Variants in NEB observed in about 807,000 individuals in gnomAD.
The protein encoded by NEB is nebulin, also known as nemaline myopathy type 2.
Under a neutral mutation model 952.2 loss-of-function variants are expected in NEB, and 512 were observed. That is an observed-to-expected ratio of 0.54 (90% confidence interval 0.50 to 0.58). The LOEUF (loss-of-function observed/expected upper bound fraction) is 0.58, where lower values mean the gene tolerates loss of function less well. Ranked by LOEUF, NEB falls within the 20% of genes least tolerant of loss-of-function variation. NEB has a pLI of 0.00. For missense variants in NEB, 8,428 were observed against 9,231.1 expected (o/e 0.91, Z 3.56); for synonymous variants, 2,900 against 3,149.8 (o/e 0.92, Z 2.66).
chr2:151,677,241 C>T (rs964394635), intron 34 of NEB, among the ~76,000 whole-genome samples: 8 of 152,206 alleles, frequency 5.3e-5, no homozygotes, highest in Admixed American at 2.0e-4. Context: ...GGGATTTAAG[C>T]TTAAATTCTG....
Position 151,514,417 on chromosome 2 carries a change from C to G in NEB, c.23028G>C (p.Arg7676Ser). ...ATKIASEKEY[R>S]KDLEESIRGK... Reference sequence around the variant, plus strand: ...CACGGATGCTTTCCTCTAGATCTTTCCTGTACTCTTTCTATATCATGAAAG... The same window carrying G: ...CACGGATGCTTTCCTCTAGATCTTTGCTGTACTCTTTCTATATCATGAAAG... The change falls in exon 159 of 182, where the codon AGG becomes AGC. Residue 7676 changes from arginine (R) to serine (S), a missense_variant. This residue lies in a region of NEB where 3,374 missense variants were observed against 3,651.5 expected (regional missense o/e 0.92). Transcript: ENST00000397345. 1 of 1,609,654 alleles carries G rather than the reference C, an allele frequency of 6.2e-7. No homozygotes were observed. Among genetic ancestry groups the G allele is most frequent in the Non-Finnish European group, 8.5e-7 (1 of 1,176,006 alleles).
At chr2:151,502,383 A>C (rs571070175) in intron 167 of NEB, among the ~76,000 whole-genome samples, 1 of 100,168 alleles carries the variant, frequency 1.0e-5, no homozygotes, top group Admixed American at 1.3e-4. Flanking sequence ...TAAACATCTA[A>C]ACATAAAAAA....
chr2:151,626,035 A>C (rs1430137050), intron 70 of NEB, among the ~76,000 whole-genome samples: 1 of 151,726 alleles, frequency 6.6e-6, no homozygotes, highest in Non-Finnish European at 1.5e-5. Context: ...GTTTGTTGTT[A>C]GTTTATTAGC....
chr2:151,717,556 C>T (rs767711465), intron 9 of NEB, 36 bp from the exon 10 acceptor site: 32 of 1,440,474 alleles, frequency 2.2e-5, no homozygotes, highest in Middle Eastern at 3.5e-4. Context: ...ATTTTAAAAA[C>T]GATTATGCTT....
intron 27 of NEB, among the ~76,000 whole-genome samples, chr2:151,685,201 G>T (rs777822102): frequency 6.6e-6 from 1 of 152,174 alleles, no homozygotes; most frequent in Non-Finnish European, 1.5e-5. Flanking sequence ...GGTCACAGCA[G>T]ACAGCGGGCC....
In NEB at chr2:151,640,618, C is replaced by T. The variant is rs774075079; in HGVS notation, c.8422G>A (p.Ala2808Thr). The T allele has an allele frequency of 1.2e-6, 2 of 1,613,848 alleles. No homozygotes were observed. Among genetic ancestry groups the T allele is most frequent in the Non-Finnish European group, 1.7e-6 (2 of 1,179,844 alleles). ...TTGGGGTCATCACGTATAGCTCGGG[C>T]ACCAATGTGGTGGCCGAGCTGCTTA... ...YRKQLGHHIG[A>T]RAIRDDPKMM... The change falls in exon 61 of 182, where the codon GCC becomes ACC. Residue 2808 changes from alanine to threonine, a missense_variant. Physicochemically the swap from Ala to Thr is moderately conservative, Grantham distance 58 (BLOSUM62 0). This residue lies in a region of NEB where 1,772 missense variants were observed against 1,960.3 expected (regional missense o/e 0.90). Transcript: ENST00000397345.
At position 151,546,004 on chromosome 2, in the gene NEB, A is replaced by T. The variant is rs1470813608; in HGVS notation, c.20467-6T>A. The T allele has an allele frequency of 1.7e-5, 24 of 1,393,774 alleles. No individual in the cohort carries two copies. The highest frequency in any genetic ancestry group is 2.4e-5 in the Non-Finnish European group (24 of 1,011,328). The allele number at this position is 1,393,774 out of a possible 1,614,324, so 86.3% of individuals were successfully genotyped here. On this transcript the variant is annotated splice_polypyrimidine_tract_variant and splice_region_variant and intron_variant, in intron 134 of 181. Transcript: ENST00000397345. The stretch of plus-strand genomic sequence containing the variant: ...TCAGTGTATAGGTAATTAGACTTAA[A>T]AAAAAAAAAAAAAACAGAAATACAA...
intron 162 of NEB, 96 bp from the exon 163 acceptor site, chr2:151,507,109 CT>C: frequency 1.3e-6 from 1 of 777,200 alleles, no homozygotes; most frequent in Non-Finnish European, 2.1e-6. Flanking sequence ...AATCCTGTAT[CT>C]TTAAAAAAAA....
intron 13 of NEB, among the ~76,000 whole-genome samples, chr2:151,702,427 C>T (rs1259783200): frequency 2.0e-5 from 3 of 152,236 alleles, no homozygotes; most frequent in African/African-American, 7.2e-5. Flanking sequence ...TCCCTGTTGA[C>T]TTTCTGTCTC....
intron 143 of NEB, among the ~76,000 whole-genome samples, 188 bp downstream of exon 143, chr2:151,533,254 C>T (rs941621366): frequency 2.0e-5 from 3 of 152,186 alleles, no homozygotes; most frequent in African/African-American, 4.8e-5. Context: ...AGATGATGTA[C>T]GGATGACCAC....
At chr2:151,573,458 C>G (rs1376603073) in intron 107 of NEB, among the ~76,000 whole-genome samples, 2 of 152,194 alleles carry the variant, frequency 1.3e-5, no homozygotes, top group African/African-American at 4.8e-5. Context: ...CTGACTACCC[C>G]TTGATTCAGC....
At chr2:151,572,048 G>C (rs1320397574) in intron 107 of NEB, among the ~76,000 whole-genome samples, 1 of 152,220 alleles carries the variant, frequency 6.6e-6, no homozygotes, top group Non-Finnish European at 1.5e-5. Flanking sequence ...AGGGCTGGGT[G>C]CAGTGGCTTA....
At chr2:151,663,932 A>C in intron 44 of NEB, 73 bp from the exon 45 acceptor site, 1 of 1,458,170 alleles carries the variant, frequency 6.9e-7, no homozygotes, top group Non-Finnish European at 9.4e-7. Context: ...AGGTGATGTG[A>C]GCTTTGTCTT....
At position 151,505,508 on chromosome 2, in the gene NEB, A is replaced by G. The variant is rs1357243021; in HGVS notation, c.23712T>C (p.Arg7904=). 2 of 1,613,658 alleles carry G rather than the reference A, an allele frequency of 1.2e-6. No homozygotes were observed. The highest frequency in any genetic ancestry group is 1.7e-6 in the Non-Finnish European group (2 of 1,179,708). The part of the protein sequence containing the change: ...TPIPDLPEVK[R]VKETQKHISS... Reference sequence around the variant, plus strand: ...TAATGTGCTTCTGCGTCTCCTTCACACGTTTCACTTCAGGCAGGTCAGGGA... The same window carrying G: ...TAATGTGCTTCTGCGTCTCCTTCACGCGTTTCACTTCAGGCAGGTCAGGGA... Residue 7904 remains arginine (R), a synonymous_variant, in exon 165 of 182, where the codon CGT becomes CGC. Coordinates refer to ENST00000397345, the MANE Select transcript of NEB (RefSeq NM_001164508.2).
At position 151,697,587 on chromosome 2, in the gene NEB, G is replaced by C. The variant is rs1444332676; in HGVS notation, c.1214C>G (p.Pro405Arg). ...KAKSINYCET[P>R]KFKLDTVLQN... ...CAGAACAGTATCGAGCTTGAATTTG[G>C]GGGTCTCGCAGTAATTTATGCTCTT... Residue 405 changes from proline to arginine, a missense_variant, in exon 14 of 182, where the codon CCC becomes CGC. Pro to Arg is a moderately radical substitution (Grantham distance 103). Around this residue, in one of 11 missense-constraint regions of NEB, gnomAD observed 2,851 missense variants for 2,791.5 expected, o/e 1.02. Transcript: ENST00000397345. 3 of 1,613,090 alleles carry C rather than the reference G, an allele frequency of 1.9e-6. No individual in the cohort carries two copies. Among genetic ancestry groups the C allele is most frequent in the South Asian group, 1.1e-5 (1 of 90,832 alleles).
intron 3 of NEB, among the ~76,000 whole-genome samples, chr2:151,731,375 A>C (rs2099808109): frequency 6.6e-6 from 1 of 152,164 alleles, no homozygotes; most frequent in Non-Finnish European, 1.5e-5. Flanking sequence ...GAGAACAGTA[A>C]AACTTTATTT....
At position 151,727,923 on chromosome 2, in the gene NEB, C is replaced by T. The variant is rs747479662; in HGVS notation, c.79-17G>A. ...TGTTATTGTCTGAAAATTTGATATG[C>T]AGTTCAACATTGTTGTGAAAGTAAA... On this transcript the variant is annotated splice_polypyrimidine_tract_variant and intron_variant, in intron 4 of 181. Transcript: ENST00000397345. 1 of 1,593,124 alleles carries T rather than the reference C, an allele frequency of 6.3e-7. No homozygotes were observed. Among genetic ancestry groups the T allele is most frequent in the Non-Finnish European group, 8.6e-7 (1 of 1,162,472 alleles).
intron 64 of NEB, among the ~76,000 whole-genome samples, chr2:151,634,221 T>C (rs1260939369): frequency 1.3e-5 from 2 of 152,164 alleles, no homozygotes. Flanking sequence ...GAAGTGCATA[T>C]GTGGGGAAAA....
At chr2:151,658,170 T>C (rs2099107072) in intron 47 of NEB, 80 bp from the exon 48 acceptor site, 2 of 1,060,814 alleles carry the variant, frequency 1.9e-6, no homozygotes, top group South Asian at 1.5e-5. Context: ...ACTACCACTG[T>C]GGCGTCTTTT....
Sources: allele counts gnomAD v4.1 joint callset (sites outside exome capture counted in the v4.1 genomes callset), GRCh38; gene constraint gnomAD v4.1.1; regional missense constraint gnomAD v4.1.1; transcripts MANE v1.5; gene names NCBI Gene and HGNC (gene_info 2026-07-23, HGNC 2026-07-21).